Variants in FAM168A observed in about 807,000 individuals in gnomAD.
The protein encoded by FAM168A is family with sequence similarity 168 member A.
A neutral mutation model predicts 28.5 loss-of-function variants in FAM168A; 3 were observed. The observed-to-expected ratio is 0.11, with a 90% CI of 0.05 to 0.27. The LOEUF (loss-of-function observed/expected upper bound fraction) is 0.27, where lower values mean the gene tolerates loss of function less well. Ranked by LOEUF, FAM168A falls within the 10% of genes least tolerant of loss-of-function variation. The pLI is 1.00. For synonymous variants in FAM168A, 122 were observed against 124.2 expected, an observed-to-expected ratio of 0.98 and a Z score of 0.12; for missense variants, 222 against 311.5, an observed-to-expected ratio of 0.71 and a Z score of 2.16.
chr11:73,511,939 A>G (rs1233602065), intron 1 of FAM168A, among the ~76,000 whole-genome samples: 1 of 152,222 alleles, frequency 6.6e-6, no homozygotes, highest in African/African-American at 2.4e-5. Flanking sequence ...AATATAAAGT[A>G]TGATCTAGCT....
chr11:73,594,632 TC>T (rs1183428888), intron 1 of FAM168A, among the ~76,000 whole-genome samples: 2 of 152,170 alleles, frequency 1.3e-5, no homozygotes, highest in Non-Finnish European at 2.9e-5. Flanking sequence ...CCTCCCCAGT[TC>T]TAGCAATTCT....
At chr11:73,546,859 T>C (rs1205208209) in intron 1 of FAM168A, among the ~76,000 whole-genome samples, 1 of 152,066 alleles carries the variant, frequency 6.6e-6, no homozygotes, top group East Asian at 1.9e-4. Flanking sequence ...AGAATTTTAT[T>C]ACAATTTGAT....
intron 2 of FAM168A, among the ~76,000 whole-genome samples, chr11:73,459,879 A>ATTTTTTTTTTTTTTTTTTTTTTT (rs918564469): frequency 9.2e-6 from 1 of 108,456 alleles, no homozygotes; most frequent in Non-Finnish European, 1.8e-5. Context: ...ATCCAAATGA[A>ATTTTTTTTTTTTTTTTTTTTTTT]TTTTTTTTTT....
In FAM168A at chr11:73,537,136, G is replaced by A. The variant is rs527358606; in HGVS notation, c.-19+60787C>T. On this transcript the variant is annotated intron_variant, in intron 1 of 7. Coordinates refer to ENST00000356467, the MANE Select transcript of FAM168A (RefSeq NM_015159.3). ...AACAGAGGAACAGAAAAGAGGGGAA[G>A]TGTAACATAAAAGAAAAACTACCAA... is the stretch of plus-strand genomic sequence containing the variant. Among the ~76,000 whole-genome samples the A allele has an allele frequency of 3.9e-5, 6 of 152,286 alleles. No individual in the cohort carries two copies. In the East Asian group the frequency reaches 9.6e-4, roughly 24 times the overall value.
intron 1 of FAM168A, among the ~76,000 whole-genome samples, chr11:73,590,592 G>C (rs1426618798): frequency 6.6e-6 from 1 of 152,158 alleles, no homozygotes; most frequent in East Asian, 1.9e-4. Flanking sequence ...CCTTGGAGGA[G>C]GAGATAATGT....
chr11:73,533,753 A>G (rs1422746906), intron 1 of FAM168A, among the ~76,000 whole-genome samples: 1 of 152,210 alleles, frequency 6.6e-6, no homozygotes, highest in African/African-American at 2.4e-5. Context: ...GAAAGATTCA[A>G]TAATGTTCTG....
At chr11:73,590,633 ATTTTGTGC>A (rs1944370188) in intron 1 of FAM168A, among the ~76,000 whole-genome samples, 3 of 152,174 alleles carry the variant, frequency 2.0e-5, no homozygotes, top group South Asian at 4.1e-4. Flanking sequence ...CTGGTTATAC[ATTTTGTGC>A]ATTTTTTTCT....
In FAM168A at chr11:73,419,903, C is replaced by A; in HGVS notation, c.248G>T (p.Arg83Leu). Residue 83 changes from arginine to leucine, a missense_variant, in exon 4 of 8, where the codon CGA becomes CTA. Physicochemically the swap from Arg to Leu is moderately radical, Grantham distance 102. Transcript: ENST00000356467. ...AGCCGCAGAGGATGCTTGGTAAGTT[C>A]GGTTCTCGGTCCCGGTGTCCACTGG... ...HLPVDTGTENRTYQASSAAFR... is the reference protein window; with the variant it reads ...HLPVDTGTENLTYQASSAAFR... 1 of 1,614,004 alleles carries A rather than the reference C, an allele frequency of 6.2e-7. No individual in the cohort carries two copies. The highest frequency in any genetic ancestry group is 2.2e-5 in the East Asian group (1 of 44,872).
chr11:73,525,579 A>C (rs1356908626), intron 1 of FAM168A, among the ~76,000 whole-genome samples: 1 of 152,178 alleles, frequency 6.6e-6, no homozygotes, highest in Non-Finnish European at 1.5e-5. Flanking sequence ...TGTTCCTTAT[A>C]TAACCTTTGA....
At chr11:73,479,349 C>A (rs1242732436) in intron 1 of FAM168A, among the ~76,000 whole-genome samples, 3 of 151,990 alleles carry the variant, frequency 2.0e-5, no homozygotes, top group Non-Finnish European at 4.4e-5. Flanking sequence ...TGAACCTAAT[C>A]CTATTTAATT....
At chr11:73,499,396 A>G (rs1199945694) in intron 1 of FAM168A, among the ~76,000 whole-genome samples, 6 of 152,194 alleles carry the variant, frequency 3.9e-5, no homozygotes, top group African/African-American at 1.4e-4. Context: ...ACTGAACTAG[A>G]CAAACTCACA....
chr11:73,533,028 T>G (rs569167676), intron 1 of FAM168A, among the ~76,000 whole-genome samples: 1 of 152,298 alleles, frequency 6.6e-6, no homozygotes, highest in Non-Finnish European at 1.5e-5. Context: ...TCTGTAGAAG[T>G]CCATATACAA....
chr11:73,594,606 C>G (rs746052387), intron 1 of FAM168A, among the ~76,000 whole-genome samples: 3 of 152,126 alleles, frequency 2.0e-5, no homozygotes, highest in Non-Finnish European at 4.4e-5. Context: ...ATGGCGCAAT[C>G]GTGGCTCACT....
chr11:73,430,774 CAG>C lies in FAM168A; in HGVS notation c.71-6_71-5del, dbSNP rs1866975775. The C allele has an allele frequency of 6.3e-7, 1 of 1,582,434 alleles. No homozygotes were observed. The highest frequency in any genetic ancestry group is 1.2e-5 in the South Asian group (1 of 86,780). On this transcript the variant is annotated splice_polypyrimidine_tract_variant and splice_region_variant and intron_variant, in intron 2 of 7. Transcript: ENST00000356467. ...GCTGGATAGGCTGTGGGGTAACCTA[CAG>C]AGAGATAAGAAAAGGCTTATTTAGT...
chr11:73,414,605 G>A (rs1421444738), intron 4 of FAM168A, among the ~76,000 whole-genome samples: 1 of 152,192 alleles, frequency 6.6e-6, no homozygotes, highest in African/African-American at 2.4e-5. Flanking sequence ...TGTGATATGG[G>A]AACAGTAATG....
intron 4 of FAM168A, among the ~76,000 whole-genome samples, chr11:73,412,698 C>G (rs1190268795): frequency 6.6e-6 from 1 of 152,172 alleles, no homozygotes; most frequent in Non-Finnish European, 1.5e-5. Flanking sequence ...GTTGAAGGGA[C>G]AGTGCCTGAG....
chr11:73,543,893 C>T (rs1477385014), intron 1 of FAM168A, among the ~76,000 whole-genome samples: 1 of 152,032 alleles, frequency 6.6e-6, no homozygotes, highest in Non-Finnish European at 1.5e-5. Context: ...CTTTGGGAAG[C>T]CAAGGCAGGA....
intron 1 of FAM168A, among the ~76,000 whole-genome samples, chr11:73,521,964 G>A (rs2134651944): frequency 6.6e-6 from 1 of 152,178 alleles, no homozygotes; most frequent in Non-Finnish European, 1.5e-5. Flanking sequence ...TGTTAAGGAG[G>A]GAATTCTCAA....
intron 1 of FAM168A, among the ~76,000 whole-genome samples, chr11:73,559,033 C>T (rs1184844894): frequency 7.2e-5 from 11 of 152,166 alleles, no homozygotes; most frequent in African/African-American, 2.7e-4. Flanking sequence ...AAGATAGAAA[C>T]AACTCAAACG....
Sources: gnomAD v4.1 joint callset for allele counts (sites outside exome capture counted in the v4.1 genomes callset) on GRCh38, gnomAD v4.1.1 for gene constraint, MANE v1.5 for transcripts, NCBI Gene and HGNC (gene_info 2026-07-23, HGNC 2026-07-21) for gene names.